Variants in DOCK3 observed in about 807,000 individuals in gnomAD.
DOCK3 encodes the protein dedicator of cytokinesis protein 3.
In DOCK3, 60 loss-of-function variants were observed where a neutral mutation model predicts 265.6. The observed-to-expected ratio is 0.23, with a 90% CI of 0.18 to 0.28. The LOEUF (loss-of-function observed/expected upper bound fraction) is 0.28, where lower values mean the gene tolerates loss of function less well. DOCK3 is among the 10% of genes least tolerant of loss of function. The pLI, the probability that DOCK3 is intolerant of heterozygous loss-of-function variation, is 1.00. For synonymous variants in DOCK3, 881 were observed against 938.0 expected, an observed-to-expected ratio of 0.94 and a Z score of 1.11; for missense variants, 1,981 against 2,594.3, an observed-to-expected ratio of 0.76 and a Z score of 5.14.
At chr3:51,011,699 A>G (rs1419958062) in intron 5 of DOCK3, among the ~76,000 whole-genome samples, 7 of 152,222 alleles carry the variant, frequency 4.6e-5, no homozygotes, top group African/African-American at 1.2e-4. Flanking sequence ...GAAGAGGCAC[A>G]CTGATTTTTA....
intron 5 of DOCK3, among the ~76,000 whole-genome samples, chr3:51,005,145 A>G (rs1246017318): frequency 2.0e-5 from 3 of 152,054 alleles, no homozygotes; most frequent in Non-Finnish European, 4.4e-5. Context: ...GAAATTTAAA[A>G]ATATTTCTAA....
intron 40 of DOCK3, among the ~76,000 whole-genome samples, chr3:51,351,371 T>C (rs1172156723): frequency 1.3e-5 from 2 of 152,202 alleles, no homozygotes; most frequent in East Asian, 1.9e-4. Flanking sequence ...AATAACAAGC[T>C]TGTTATCACA....
intron 9 of DOCK3, among the ~76,000 whole-genome samples, chr3:51,096,289 G>T (rs1035247406): frequency 6.6e-6 from 1 of 151,546 alleles, no homozygotes; most frequent in Non-Finnish European, 1.5e-5. Flanking sequence ...CATAGGTTTG[G>T]TTTTTTCACA....
intron 12 of DOCK3, among the ~76,000 whole-genome samples, chr3:51,184,165 G>T (rs1425821508): frequency 6.6e-6 from 1 of 152,054 alleles, no homozygotes; most frequent in African/African-American, 2.4e-5. Context: ...ACAAAAATTA[G>T]CCGGCCAAGG....
intron 3 of DOCK3, among the ~76,000 whole-genome samples, chr3:50,876,390 T>G (rs1041558600): frequency 4.6e-5 from 7 of 152,266 alleles, no homozygotes; most frequent in African/African-American, 1.7e-4. Flanking sequence ...CAAATCCTTT[T>G]GTTTTAAATA....
At chr3:50,982,144 T>G (rs2077717787) in intron 5 of DOCK3, among the ~76,000 whole-genome samples, 1 of 152,164 alleles carries the variant, frequency 6.6e-6, no homozygotes, top group African/African-American at 2.4e-5. Flanking sequence ...CCACTGCCCC[T>G]GGCCTTAGTC....
intron 49 of DOCK3, among the ~76,000 whole-genome samples, chr3:51,370,363 A>C (rs2087580717): frequency 6.6e-6 from 1 of 152,186 alleles, no homozygotes. Flanking sequence ...CTGAATCATG[A>C]TGATTGATAA....
At chr3:51,227,842 A>C in intron 16 of DOCK3, 140 bp from the exon 17 acceptor site, 1 of 823,630 alleles carries the variant, frequency 1.2e-6, no homozygotes, top group South Asian at 1.7e-5. Flanking sequence ...CACATTTCTC[A>C]TCATTCCTGC....
chr3:51,297,774 A>AAAT (rs1047160280), intron 27 of DOCK3, among the ~76,000 whole-genome samples: 4 of 112,562 alleles, frequency 3.6e-5, no homozygotes, highest in East Asian at 5.0e-4. Context: ...GTCTTTACAA[A>AAAT]AATAATAATA....
intron 9 of DOCK3, among the ~76,000 whole-genome samples, chr3:51,095,154 T>C (rs1166128944): frequency 4.6e-5 from 7 of 152,192 alleles, no homozygotes; most frequent in Non-Finnish European, 8.8e-5. Context: ...ATTTAGCCTG[T>C]TTACATTTAA....
chr3:51,221,572 G>C (rs1433528985), intron 14 of DOCK3, among the ~76,000 whole-genome samples: 1 of 152,180 alleles, frequency 6.6e-6, no homozygotes, highest in Non-Finnish European at 1.5e-5. Context: ...CCAGTTTTCT[G>C]AGTGCAGCTG....
intron 8 of DOCK3, 144 bp downstream of exon 8, chr3:51,089,428 AAC>A: frequency 2.0e-6 from 2 of 1,016,658 alleles, no homozygotes; most frequent in Admixed American, 2.7e-5. Context: ...TTGACCTCTA[AAC>A]AGTTTTGGCC....
chr3:51,128,860 G>C (rs528181665), intron 9 of DOCK3, among the ~76,000 whole-genome samples: 2 of 152,306 alleles, frequency 1.3e-5, no homozygotes, highest in East Asian at 1.9e-4. Flanking sequence ...TGGCCACCTC[G>C]TTCATGGGTC....
intron 1 of DOCK3, among the ~76,000 whole-genome samples, chr3:50,701,276 C>T (rs534402686): frequency 1.3e-5 from 2 of 152,150 alleles, no homozygotes; most frequent in African/African-American, 4.8e-5. Context: ...CGCCACCACA[C>T]CCAGCTAATT....
chr3:51,229,636 AC>A, intron 19 of DOCK3, 27 bp downstream of exon 19: 1 of 1,536,378 alleles, frequency 6.5e-7, no homozygotes, highest in Non-Finnish European at 8.8e-7. Context: ...ATTTAAACAT[AC>A]TGCATGAGGA....
rs116719098 is a variant in DOCK3, at chr3:51,319,310, A to T, written c.3402+4182A>T. On this transcript the variant is annotated intron_variant, in intron 32 of 52. Transcript: ENST00000266037. ...TAATGCCTCCAGGTCTTTGGGAAAT[A>T]ATAACTTCAAACAAAAAAGGAACTG... Among the ~76,000 whole-genome samples the T allele has an allele frequency of 2.9e-3, 442 of 152,210 alleles. 1 individual carries two copies. Among genetic ancestry groups the T allele is most frequent in the African/African-American group, 0.01 (421 of 41,544 alleles).
At chr3:51,199,409 C>T (rs1017844433) in intron 12 of DOCK3, among the ~76,000 whole-genome samples, 10 of 152,216 alleles carry the variant, frequency 6.6e-5, no homozygotes, top group Admixed American at 5.9e-4. Flanking sequence ...CTCGGAGGGT[C>T]CTACACCCAC....
intron 7 of DOCK3, among the ~76,000 whole-genome samples, chr3:51,077,065 A>G (rs1381183852): frequency 1.3e-5 from 2 of 152,200 alleles, no homozygotes; most frequent in Non-Finnish European, 2.9e-5. Flanking sequence ...TATAAAATGC[A>G]AAAGACTGGA....
chr3:50,881,121 TG>T, intron 3 of DOCK3, among the ~76,000 whole-genome samples: 1 of 152,274 alleles, frequency 6.6e-6, no homozygotes, highest in South Asian at 2.1e-4. Context: ...ATTGATGGGA[TG>T]TATCTCAAAA....
Sources: allele counts gnomAD v4.1 joint callset (sites outside exome capture counted in the v4.1 genomes callset), GRCh38; gene constraint gnomAD v4.1.1; transcripts MANE v1.5; gene names NCBI Gene and HGNC (gene_info 2026-07-23, HGNC 2026-07-21).